TECRL: variants seen among roughly 807,000 people sequenced by gnomAD.
TECRL encodes trans-2,3-enoyl-CoA reductase-like.
A neutral mutation model predicts 52.8 loss-of-function variants in TECRL; 63 were observed. The observed-to-expected ratio is 1.19, with a 90% confidence interval of 0.97 to 1.47. The LOEUF (loss-of-function observed/expected upper bound fraction) is 1.47, where lower values mean the gene tolerates loss of function less well. TECRL is among the 40% of genes most tolerant of loss of function. TECRL has a pLI of 0.00. For synonymous variants in TECRL, 164 were observed against 141.9 expected, an observed-to-expected ratio of 1.16 and a Z score of -1.10; for missense variants, 482 against 429.6, an observed-to-expected ratio of 1.12 and a Z score of -1.08.
At chr4:64,353,934 T>C (rs892638007) in intron 2 of TECRL, among the ~76,000 whole-genome samples, 2 of 152,032 alleles carry the variant, frequency 1.3e-5, no homozygotes, top group African/African-American at 4.8e-5. Flanking sequence ...ACAAACTATA[T>C]ACTACAAATC....
intron 1 of TECRL, among the ~76,000 whole-genome samples, chr4:64,379,442 A>G (rs1408339681): frequency 6.6e-6 from 1 of 152,162 alleles, no homozygotes; most frequent in Non-Finnish European, 1.5e-5. Flanking sequence ...TATTTAGAAT[A>G]TCCATCACCT....
intron 8 of TECRL, among the ~76,000 whole-genome samples, chr4:64,291,948 T>C (rs1184029529): frequency 6.6e-6 from 1 of 152,012 alleles, no homozygotes; most frequent in African/African-American, 2.4e-5. Flanking sequence ...TCTTAAATAT[T>C]AATTTGGCAA....
chr4:64,278,994 A>T lies in TECRL; in HGVS notation c.*1078T>A, dbSNP rs1406982304. 1 of 152,314 alleles carries T rather than the reference A, an allele frequency of 6.6e-6. No individual in the cohort carries two copies. Among genetic ancestry groups the T allele is most frequent in the Non-Finnish European group, 1.5e-5 (1 of 68,328 alleles). The allele number at this position is 152,314 out of a possible 1,614,324, so 9.4% of individuals were successfully genotyped here. A position where few individuals can be genotyped will look rare whatever the true frequency, so the allele number is the denominator to read the frequency against. ...TGTGTATATATACCACATTTTCTTT[A>T]TCCATTCATCTGTTGTTGGACACCT... On this transcript the variant is annotated 3_prime_UTR_variant, in exon 12 of 12. Coordinates refer to ENST00000381210, the MANE Select transcript of TECRL (RefSeq NM_001010874.5).
At chr4:64,330,446 G>C (rs1031686716) in intron 2 of TECRL, among the ~76,000 whole-genome samples, 2 of 151,978 alleles carry the variant, frequency 1.3e-5, no homozygotes, top group Admixed American at 1.3e-4. Flanking sequence ...CCATAGGGTG[G>C]TGTTAACATT....
intron 2 of TECRL, among the ~76,000 whole-genome samples, chr4:64,373,617 T>C (rs1394063181): frequency 6.6e-6 from 1 of 151,890 alleles, no homozygotes; most frequent in Non-Finnish European, 1.5e-5. Flanking sequence ...AAACTCGACT[T>C]TGATTCATGT....
At chr4:64,331,552 A>G (rs1329066583) in intron 2 of TECRL, among the ~76,000 whole-genome samples, 1 of 152,170 alleles carries the variant, frequency 6.6e-6, no homozygotes, top group Non-Finnish European at 1.5e-5. Context: ...ACTCAAGAGA[A>G]CATCACAAAT....
chr4:64,376,097 A>G (rs1395827811), intron 1 of TECRL, among the ~76,000 whole-genome samples: 2 of 151,972 alleles, frequency 1.3e-5, no homozygotes, highest in Non-Finnish European at 2.9e-5. Flanking sequence ...AAAAATGCAT[A>G]AAATGTTGGT....
chr4:64,396,643 A>G (rs940089892), intron 1 of TECRL, among the ~76,000 whole-genome samples: 4 of 151,688 alleles, frequency 2.6e-5, no homozygotes, highest in Admixed American at 2.6e-4. Context: ...GCCGTAAGGG[A>G]CCTCTTTAAT....
At chr4:64,335,060 A>G (rs569838137) in intron 2 of TECRL, among the ~76,000 whole-genome samples, 1 of 152,154 alleles carries the variant, frequency 6.6e-6, no homozygotes. Context: ...CCACCTCTTC[A>G]TACCTTCTCA....
At chr4:64,405,552 G>C (rs1029245015) in intron 1 of TECRL, among the ~76,000 whole-genome samples, 2 of 152,124 alleles carry the variant, frequency 1.3e-5, no homozygotes, top group Non-Finnish European at 1.5e-5. Context: ...TATTAAGTTT[G>C]ATATGCCTGG....
chr4:64,317,436 G>A (rs1717585361), intron 4 of TECRL, among the ~76,000 whole-genome samples: 1 of 151,728 alleles, frequency 6.6e-6, no homozygotes, highest in South Asian at 2.1e-4. Flanking sequence ...CATTATTAGG[G>A]CATTGTTGGA....
intron 1 of TECRL, among the ~76,000 whole-genome samples, chr4:64,385,589 G>T (rs1723120561): frequency 6.6e-6 from 1 of 152,114 alleles, no homozygotes; most frequent in South Asian, 2.1e-4. Flanking sequence ...TTTCTAGGTG[G>T]ATATGAGGGG....
At chr4:64,326,629 G>T (rs1271335398) in intron 3 of TECRL, among the ~76,000 whole-genome samples, 1 of 152,040 alleles carries the variant, frequency 6.6e-6, no homozygotes, top group East Asian at 1.9e-4. Flanking sequence ...TGAACAAAGG[G>T]AATTTCATGA....
At chr4:64,408,508 T>C (rs1724879721) in intron 1 of TECRL, among the ~76,000 whole-genome samples, 1 of 152,000 alleles carries the variant, frequency 6.6e-6, no homozygotes. Context: ...GTGCAACACC[T>C]GTGAATATGG....
intron 2 of TECRL, among the ~76,000 whole-genome samples, chr4:64,334,195 A>G (rs1718879918): frequency 2.0e-5 from 3 of 152,114 alleles, no homozygotes; most frequent in Non-Finnish European, 1.5e-5. Flanking sequence ...CTTCTTAAGT[A>G]ATAAACATCA....
chr4:64,403,430 TAGCA>T (rs1240176877), intron 1 of TECRL, among the ~76,000 whole-genome samples: 1 of 149,890 alleles, frequency 6.7e-6, no homozygotes, highest in South Asian at 2.1e-4. Context: ...GAAAGCAAGC[TAGCA>T]AGCAAGCAAG....
chr4:64,308,382 C>T (rs1724462720), intron 6 of TECRL, among the ~76,000 whole-genome samples: 1 of 152,086 alleles, frequency 6.6e-6, no homozygotes, highest in African/African-American at 2.4e-5. Context: ...CTTCAGCTTC[C>T]CCCCTCCACA....
At chr4:64,328,864 C>A (rs1718437762) in intron 2 of TECRL, among the ~76,000 whole-genome samples, 1 of 151,886 alleles carries the variant, frequency 6.6e-6, no homozygotes, top group African/African-American at 2.4e-5. Flanking sequence ...TTGTGCACTT[C>A]AGTCTATGTA....
intron 1 of TECRL, among the ~76,000 whole-genome samples, chr4:64,383,345 T>G (rs1293644865): frequency 6.6e-6 from 1 of 152,132 alleles, no homozygotes; most frequent in African/African-American, 2.4e-5. Flanking sequence ...GTTCATTAGG[T>G]GGAGTTTCTA....
Sources: gnomAD v4.1 joint callset for allele counts (sites outside exome capture counted in the v4.1 genomes callset) on GRCh38, gnomAD v4.1.1 for gene constraint, MANE v1.5 for transcripts, NCBI Gene and HGNC (gene_info 2026-07-23, HGNC 2026-07-21) for gene names.